Variants in ATG7 observed in about 807,000 individuals in gnomAD.
ATG7 encodes the protein autophagy related 7, also known as ubiquitin-like modifier-activating enzyme ATG7.
Under a neutral mutation model 82.4 loss-of-function variants are expected in ATG7, and 70 were observed. The ratio of observed to expected loss-of-function variants is 0.85; its 90% confidence interval spans 0.70 to 1.04. ATG7 has a LOEUF of 1.04. Ranked by LOEUF, ATG7 falls within the 50% of genes least tolerant of loss-of-function variation. The pLI is 0.00. For missense variants in ATG7, 792 were observed against 864.3 expected (o/e 0.92, Z 1.05); for synonymous variants, 287 against 313.0 (o/e 0.92, Z 0.88).
chr3:11,552,588 G>A (rs1198053758), intron 20 of ATG7, among the ~76,000 whole-genome samples: 1 of 152,206 alleles, frequency 6.6e-6, no homozygotes, highest in African/African-American at 2.4e-5. Context: ...TCTGAGCCCA[G>A]CCAATGGGAC....
At chr3:11,431,766 T>G (rs2082912467) in intron 20 of ATG7, among the ~76,000 whole-genome samples, 1 of 152,238 alleles carries the variant, frequency 6.6e-6, no homozygotes, top group Admixed American at 6.5e-5. Context: ...CCATATTCTT[T>G]GCACCTGTGG....
intron 14 of ATG7, among the ~76,000 whole-genome samples, 191 bp from the exon 15 acceptor site, chr3:11,358,227 G>A (rs2076058989): frequency 6.6e-6 from 1 of 152,108 alleles, no homozygotes; most frequent in Non-Finnish European, 1.5e-5. Context: ...GCCCTGGGGT[G>A]ATAGGTCAAG....
intron 20 of ATG7, among the ~76,000 whole-genome samples, chr3:11,542,880 CA>C (rs1270439734): frequency 6.6e-6 from 1 of 152,196 alleles, no homozygotes; most frequent in African/African-American, 2.4e-5. Flanking sequence ...GGTTCTGAGG[CA>C]TGAGACTGTT....
rs571604276 is a variant in ATG7 at position 11,535,653 on chromosome 3, C to T, written c.2080-19158C>T. Among the ~76,000 whole-genome samples, 4 of 152,200 alleles carry T rather than the reference C, an allele frequency of 2.6e-5. No individual in the cohort carries two copies. In the East Asian group the frequency reaches 7.7e-4, roughly 29 times the overall value. ...ATTGACAGATGAGGCACACAGGGTC[C>T]CTCTGAGGAGGGCTCGGCCCTCTCT... On this transcript the variant is annotated intron_variant, in intron 20 of 20. Transcript: ENST00000693202.
chr3:11,461,506 C>G (rs1305201959), intron 20 of ATG7, among the ~76,000 whole-genome samples: 1 of 152,150 alleles, frequency 6.6e-6, no homozygotes, highest in Non-Finnish European at 1.5e-5. Flanking sequence ...CCTCGTTTTG[C>G]AGGTTAAGGA....
chr3:11,440,967 G>A (rs139483153), intron 20 of ATG7, among the ~76,000 whole-genome samples: 90 of 152,026 alleles, frequency 5.9e-4, no homozygotes, highest in Non-Finnish European at 1.0e-3. Context: ...ATAGGCATGA[G>A]CCACTGTGCC....
chr3:11,401,453 T>G (rs2079829371), intron 19 of ATG7, among the ~76,000 whole-genome samples: 1 of 152,220 alleles, frequency 6.6e-6, no homozygotes, highest in African/African-American at 2.4e-5. Flanking sequence ...AAAATTCATT[T>G]TAAAGTGAGA....
At chr3:11,393,188 A>G (rs1484043569) in intron 19 of ATG7, among the ~76,000 whole-genome samples, 1 of 152,206 alleles carries the variant, frequency 6.6e-6, no homozygotes, top group African/African-American at 2.4e-5. Context: ...ATGCAAGGTT[A>G]GAGATCCCTG....
In ATG7 at chr3:11,501,104, A is replaced by G. The variant is rs542067254; in HGVS notation, c.2080-53707A>G. On this transcript the variant is annotated intron_variant, in intron 20 of 20. Coordinates refer to ENST00000693202, the MANE Select transcript of ATG7 (RefSeq NM_001349232.2). ...ATGCTGTCTCTACTAAAAATAAAAA[A>G]TTGGCCAGGTATGGTGATACGCACC... Among the ~76,000 whole-genome samples the G allele has an allele frequency of 5.3e-5, 8 of 152,284 alleles. No homozygotes were observed. In the East Asian group the frequency reaches 1.5e-3, roughly 29 times the overall value.
At chr3:11,353,625 C>T (rs914485388) in intron 14 of ATG7, among the ~76,000 whole-genome samples, 1 of 152,058 alleles carries the variant, frequency 6.6e-6, no homozygotes, top group African/African-American at 2.4e-5. Flanking sequence ...GGTGCCCTCT[C>T]CACATTAATG....
chr3:11,549,096 T>C (rs2071545726), intron 20 of ATG7, among the ~76,000 whole-genome samples: 1 of 152,166 alleles, frequency 6.6e-6, no homozygotes, highest in Non-Finnish European at 1.5e-5. Flanking sequence ...TATTGTGTGA[T>C]TTACATACAA....
At chr3:11,337,163 A>T (rs950634374) in intron 11 of ATG7, among the ~76,000 whole-genome samples, 4 of 152,108 alleles carry the variant, frequency 2.6e-5, no homozygotes, top group African/African-American at 7.2e-5. Context: ...TTCCTAAAAA[A>T]TATTTTCTTG....
chr3:11,570,176 G>A, the ATG7 span, among the ~76,000 whole-genome samples: 1 of 152,036 alleles, frequency 6.6e-6, no homozygotes, highest in Non-Finnish European at 1.5e-5. Context: ...GCCTAGACAT[G>A]CTGCCCACCA....
chr3:11,352,280 T>G (rs999406285), intron 14 of ATG7, among the ~76,000 whole-genome samples: 5 of 152,224 alleles, frequency 3.3e-5, no homozygotes, highest in Admixed American at 1.3e-4. Flanking sequence ...GTTCCAAGTC[T>G]TTGCTATTGT....
At chr3:11,321,512 T>C (rs1294581610) in intron 9 of ATG7, among the ~76,000 whole-genome samples, 1 of 152,154 alleles carries the variant, frequency 6.6e-6, no homozygotes, top group African/African-American at 2.4e-5. Flanking sequence ...ATTTTACAGA[T>C]GAGATGAATG....
chr3:11,511,628 T>C (rs188811625), intron 20 of ATG7, among the ~76,000 whole-genome samples: 2,049 of 152,236 alleles, frequency 0.013, 41 homozygotes, highest in African/African-American at 0.044. Context: ...TCGATGGGAC[T>C]GGGCGCCGTG....
chr3:11,569,021 T>C, the ATG7 span: 12 of 855,022 alleles, frequency 1.4e-5, no homozygotes, highest in Admixed American at 1.6e-4. Flanking sequence ...TTCTGAGTAC[T>C]GAAAGCCACA....
intron 20 of ATG7, among the ~76,000 whole-genome samples, chr3:11,435,851 G>C (rs897677270): frequency 1.3e-5 from 2 of 152,100 alleles, no homozygotes; most frequent in African/African-American, 4.8e-5. Context: ...TGCTTCAAAG[G>C]ACATAAGAAT....
chr3:11,385,178 C>G (rs1373717298), intron 19 of ATG7, among the ~76,000 whole-genome samples: 1 of 151,996 alleles, frequency 6.6e-6, no homozygotes, highest in African/African-American at 2.4e-5. Flanking sequence ...TACAGGCGTG[C>G]GCCACCACAC....
Sources: gnomAD v4.1 joint callset for allele counts (sites outside exome capture counted in the v4.1 genomes callset) on GRCh38, gnomAD v4.1.1 for gene constraint, MANE v1.5 for transcripts, NCBI Gene and HGNC (gene_info 2026-07-23, HGNC 2026-07-21) for gene names.